ACYP2: variants seen among roughly 807,000 people sequenced by gnomAD.
ACYP2 encodes the protein acylphosphatase-2.
A neutral mutation model predicts 11.2 loss-of-function variants in ACYP2; 12 were observed. That is an observed-to-expected ratio of 1.08 (90% CI 0.69 to 1.74). The LOEUF is 1.74. ACYP2 is among the 40% of genes most tolerant of loss of function. The pLI is 0.00. For synonymous variants in ACYP2, 43 were observed against 32.2 expected (o/e 1.33, Z -1.13); for missense variants, 134 against 101.9 (o/e 1.31, Z -1.35).
At chr2:54,292,921 G>T (rs778877361) in intron 6 of ACYP2, among the ~76,000 whole-genome samples, 12 of 152,112 alleles carry the variant, frequency 7.9e-5, no homozygotes, top group Non-Finnish European at 8.8e-5. Context: ...CAATTATTTT[G>T]TAAGTACCTA....
chr2:54,248,663 G>A (rs1484400331), intron 6 of ACYP2, among the ~76,000 whole-genome samples: 4 of 152,138 alleles, frequency 2.6e-5, no homozygotes, highest in African/African-American at 9.7e-5. Context: ...ATGCTAGACT[G>A]TAGGCTGCTT....
intron 6 of ACYP2, among the ~76,000 whole-genome samples, chr2:54,298,100 C>G (rs1689589936): frequency 6.6e-6 from 1 of 152,092 alleles, no homozygotes; most frequent in Non-Finnish European, 1.5e-5. Context: ...GTTTTATATT[C>G]TAAAACCATA....
intron 6 of ACYP2, among the ~76,000 whole-genome samples, chr2:54,201,634 T>TTTCTTTCTTTCTTTC (rs1256055435): frequency 1.5e-5 from 1 of 64,808 alleles, no homozygotes; most frequent in Non-Finnish European, 3.5e-5. Context: ...GTTTCTTTCT[T>TTTCTTTCTTTCTTTC]TCTCTTTCTT....
At chr2:54,212,347 A>C (rs181560575) in intron 6 of ACYP2, among the ~76,000 whole-genome samples, 1 of 152,308 alleles carries the variant, frequency 6.6e-6, no homozygotes, top group East Asian at 1.9e-4. Context: ...TTACATATCA[A>C]ATTGCACATA....
At chr2:54,287,339 C>A (rs1050186812) in intron 6 of ACYP2, among the ~76,000 whole-genome samples, 3 of 151,964 alleles carry the variant, frequency 2.0e-5, no homozygotes, top group African/African-American at 4.8e-5. Context: ...AGGGCCCCCC[C>A]TCATGACCTA....
intron 2 of ACYP2, among the ~76,000 whole-genome samples, chr2:53,985,645 GC>G (rs1407559580): frequency 6.6e-6 from 1 of 152,124 alleles, no homozygotes; most frequent in African/African-American, 2.4e-5. Context: ...AAATACCACT[GC>G]TTTAGTTGGG....
intron 2 of ACYP2, among the ~76,000 whole-genome samples, chr2:53,978,858 G>A (rs181447896): frequency 6.6e-6 from 1 of 152,170 alleles, no homozygotes; most frequent in African/African-American, 2.4e-5. Flanking sequence ...GGGAGGCAGA[G>A]GTTGCACTGA....
At chr2:54,268,498 A>ATG (rs1262818217) in intron 6 of ACYP2, among the ~76,000 whole-genome samples, 2 of 152,062 alleles carry the variant, frequency 1.3e-5, no homozygotes, top group Non-Finnish European at 2.9e-5. Context: ...GATCTACCCA[A>ATG]TGTATGGAAA....
At chr2:54,090,024 T>C (rs375711416) in intron 4 of ACYP2, among the ~76,000 whole-genome samples, 258 of 151,168 alleles carry the variant, frequency 1.7e-3, no homozygotes, top group Non-Finnish European at 3.0e-3. Flanking sequence ...CGGGCACCTG[T>C]AATCCCAGTA....
At chr2:54,237,217 G>A (rs541402339) in intron 6 of ACYP2, among the ~76,000 whole-genome samples, 1 of 152,276 alleles carries the variant, frequency 6.6e-6, no homozygotes, top group East Asian at 1.9e-4. Context: ...AATCCCACAT[G>A]GATACCTGAA....
At chr2:54,249,302 C>G (rs577074714) in intron 6 of ACYP2, among the ~76,000 whole-genome samples, 27 of 152,108 alleles carry the variant, frequency 1.8e-4, no homozygotes, top group Admixed American at 5.9e-4. Context: ...TGCAAATTGA[C>G]TTGTCAGACT....
chr2:54,163,819 G>A (rs972175785), intron 6 of ACYP2, among the ~76,000 whole-genome samples: 2 of 151,950 alleles, frequency 1.3e-5, no homozygotes, highest in East Asian at 3.9e-4. Flanking sequence ...TTGCACCATT[G>A]CACTCCAGCC....
chr2:54,297,411 T>C (rs541691336), intron 6 of ACYP2, among the ~76,000 whole-genome samples: 2 of 152,162 alleles, frequency 1.3e-5, no homozygotes, highest in East Asian at 1.9e-4. Flanking sequence ...GATGGGAGGA[T>C]AGCTGAAGCT....
intron 4 of ACYP2, among the ~76,000 whole-genome samples, chr2:54,126,060 G>A (rs939681259): frequency 6.6e-6 from 1 of 152,210 alleles, no homozygotes; most frequent in Non-Finnish European, 1.5e-5. Context: ...CAGCCTGGGC[G>A]ACAGAGAGAG....
chr2:54,183,103 C>A (rs983099796), intron 6 of ACYP2, among the ~76,000 whole-genome samples: 2 of 152,166 alleles, frequency 1.3e-5, no homozygotes. Context: ...GAAATATGTT[C>A]TGTATGTTCT....
intron 6 of ACYP2, among the ~76,000 whole-genome samples, chr2:54,191,250 A>T (rs1452280116): frequency 6.6e-6 from 1 of 151,960 alleles, no homozygotes; most frequent in Non-Finnish European, 1.5e-5. Context: ...GCCCCATGTA[A>T]ACTGCCCCCT....
At position 54,207,171 on chromosome 2, in the gene ACYP2, A is replaced by ATGTGTGTGTGTGTGTGTG. The variant is rs1462290345; in HGVS notation, c.404+68424_404+68425insGTGTGTGTGTGTGTGTGT. 4.5e-4 allele frequency among the ~76,000 whole-genome samples: 31 copies of ATGTGTGTGTGTGTGTGTG among 68,482 alleles called. No homozygotes were observed. The East Asian group carries it at 6.5e-3, about 14-fold the overall frequency. 44.9% of individuals were successfully genotyped at this position (68,482 alleles called of 152,430 possible). A position where few individuals can be genotyped will look rare whatever the true frequency, so the allele number is the denominator to read the frequency against. ...TTATATGTACATATATACAACATGT[A>ATGTGTGTGTGTGTGTGTG]TATGTGTGTGTGTGTGTGTGTGTGT... On this transcript the variant is annotated intron_variant, in intron 6 of 6. Coordinates refer to ENST00000607452, the MANE Select transcript of ACYP2 (RefSeq NM_001320586.2).
intron 6 of ACYP2, among the ~76,000 whole-genome samples, chr2:54,245,394 G>A (rs1271278632): frequency 2.0e-5 from 3 of 152,150 alleles, no homozygotes; most frequent in Non-Finnish European, 4.4e-5. Context: ...TTGGATAAAT[G>A]CTGAGTAGTG....
intron 6 of ACYP2, among the ~76,000 whole-genome samples, chr2:54,184,677 T>C: frequency 6.6e-6 from 1 of 152,098 alleles, no homozygotes; most frequent in East Asian, 1.9e-4. Flanking sequence ...ATGTGGTAAA[T>C]AGATTATGTG....
Sources: gnomAD v4.1 joint callset for allele counts (sites outside exome capture counted in the v4.1 genomes callset) on GRCh38, gnomAD v4.1.1 for gene constraint, MANE v1.5 for transcripts, NCBI Gene and HGNC (gene_info 2026-07-23, HGNC 2026-07-21) for gene names.